Variants in RAD51B observed in about 807,000 individuals in gnomAD.
RAD51B encodes RAD51 paralog B.
In RAD51B, 38 loss-of-function variants were observed where a neutral mutation model predicts 42.2. The observed-to-expected ratio is 0.90, with a 90% CI of 0.70 to 1.18. The LOEUF (loss-of-function observed/expected upper bound fraction) is 1.18, where lower values mean the gene tolerates loss of function less well. RAD51B is among the 50% of genes most tolerant of loss of function. The probability of loss-of-function intolerance (pLI) is 0.00; values close to 1 mark genes in which losing one functional copy is unlikely to be tolerated. For missense variants in RAD51B, 373 were observed against 400.7 expected (o/e 0.93, Z 0.59); for synonymous variants, 154 against 145.2 (o/e 1.06, Z -0.43).
chr14:68,000,484 A>G (rs994351288), intron 7 of RAD51B, among the ~76,000 whole-genome samples: 1 of 152,318 alleles, frequency 6.6e-6, no homozygotes, highest in African/African-American at 2.4e-5. Context: ...TACTTTCTAC[A>G]TATCTTTTAC....
At chr14:68,405,715 T>C (rs1388450740) in intron 8 of RAD51B, among the ~76,000 whole-genome samples, 1 of 151,866 alleles carries the variant, frequency 6.6e-6, no homozygotes, top group Non-Finnish European at 1.5e-5. Context: ...CTATTCTTAT[T>C]GTTTTAGCGA....
At chr14:68,069,513 C>G (rs1234002990) in intron 7 of RAD51B, 4 of 152,134 alleles carry the variant, frequency 2.6e-5, no homozygotes, top group Non-Finnish European at 5.9e-5. Context: ...ATTTAGCCCC[C>G]ACTTATAAGT....
At chr14:68,584,373 A>G (rs1194916909) in intron 10 of RAD51B, among the ~76,000 whole-genome samples, 1 of 152,162 alleles carries the variant, frequency 6.6e-6, no homozygotes, top group African/African-American at 2.4e-5. Flanking sequence ...GACCTCTTAT[A>G]GCCAGGGTGT....
intron 5 of RAD51B, among the ~76,000 whole-genome samples, chr14:67,878,035 C>G (rs1595050097): frequency 6.6e-6 from 1 of 152,162 alleles, no homozygotes; most frequent in Non-Finnish European, 1.5e-5. Flanking sequence ...AGTTTTCCCC[C>G]ACTATTAGTT....
chr14:68,354,810 G>A lies in RAD51B; in HGVS notation c.854-56614G>A, dbSNP rs964885303. Reference sequence around the variant, plus strand: ...TTGGGAAGCCCTGGGCTAGCCTCTCGGCTTGCTCATGATTCAAGTAGCAAA... The same window carrying A: ...TTGGGAAGCCCTGGGCTAGCCTCTCAGCTTGCTCATGATTCAAGTAGCAAA... On this transcript the variant is annotated intron_variant, in intron 8 of 10. Transcript: ENST00000471583. Among the ~76,000 whole-genome samples the A allele has an allele frequency of 5.9e-5, 9 of 152,088 alleles. No homozygotes were observed. The South Asian group carries it at 1.7e-3, about 28-fold the overall frequency.
intron 7 of RAD51B, among the ~76,000 whole-genome samples, chr14:67,959,378 C>G (rs1237410196): frequency 1.3e-5 from 2 of 152,030 alleles, no homozygotes; most frequent in Non-Finnish European, 2.9e-5. Context: ...TCCTGAGTAG[C>G]TGGGACTACA....
Position 67,835,201 on chromosome 14 carries a change from A to C in RAD51B, c.315+5A>C. On this transcript the variant is annotated splice_donor_5th_base_variant and intron_variant, in intron 4 of 10. Transcript: ENST00000471583. ...GCTTGTGGATCCCTCACAGAGGTAA[A>C]GGAAAAATTTTTCGTACCTTCTTCC... 2 of 1,604,438 alleles carry C rather than the reference A, an allele frequency of 1.2e-6. No homozygotes were observed. Among genetic ancestry groups the C allele is most frequent in the Middle Eastern group, 1.7e-4 (1 of 6,050 alleles).
At chr14:68,458,439 A>G (rs1020339183) in intron 9 of RAD51B, among the ~76,000 whole-genome samples, 3 of 152,296 alleles carry the variant, frequency 2.0e-5, no homozygotes, top group African/African-American at 7.2e-5. Context: ...CTAAGTTAAC[A>G]TCCTACTGAT....
chr14:68,353,536 AC>A (rs2082833259), intron 8 of RAD51B, among the ~76,000 whole-genome samples: 1 of 152,174 alleles, frequency 6.6e-6, no homozygotes, highest in African/African-American at 2.4e-5. Flanking sequence ...TTTCTCAGTA[AC>A]CAGATCTACC....
intron 7 of RAD51B, among the ~76,000 whole-genome samples, chr14:68,155,488 G>A (rs376728949): frequency 2.4e-4 from 36 of 152,146 alleles, no homozygotes; most frequent in Admixed American, 6.5e-4. Context: ...CACCGCGCCC[G>A]GCCTATATTT....
At chr14:68,492,290 T>C (rs2140283017) in intron 10 of RAD51B, among the ~76,000 whole-genome samples, 1 of 152,340 alleles carries the variant, frequency 6.6e-6, no homozygotes, top group African/African-American at 2.4e-5. Flanking sequence ...TACAAGGTAA[T>C]AAATAATCAA....
At chr14:68,314,055 T>C (rs2082011288) in intron 8 of RAD51B, among the ~76,000 whole-genome samples, 1 of 152,172 alleles carries the variant, frequency 6.6e-6, no homozygotes, top group African/African-American at 2.4e-5. Flanking sequence ...CTATGTGCAT[T>C]ACCCACTTTT....
intron 7 of RAD51B, among the ~76,000 whole-genome samples, chr14:67,893,467 GACACAC>G (rs756541648): frequency 0.052 from 5,834 of 111,230 alleles, 271 homozygotes; most frequent in African/African-American, 0.063. Context: ...CACAGACACA[GACACAC>G]ACACACACAC....
At chr14:68,225,050 ATGTT>A (rs2080008603) in intron 7 of RAD51B, among the ~76,000 whole-genome samples, 1 of 152,052 alleles carries the variant, frequency 6.6e-6, no homozygotes, top group African/African-American at 2.4e-5. Context: ...AAGAGAAAGA[ATGTT>A]TGTTAAGAAA....
Position 67,898,261 on chromosome 14 carries a change from A to G in RAD51B, c.756+11057A>G, listed in dbSNP as rs539515017. ...TTAGCCTTAAATAAAAAAGAAGGAA[A>G]TACTACTATCTGTGACAACATGGAT... On this transcript the variant is annotated intron_variant, in intron 7 of 10. Transcript: ENST00000471583. 2.0e-5 allele frequency among the ~76,000 whole-genome samples: 3 copies of G among 152,328 alleles called. 1 individual carries two copies. The South Asian group carries it at 6.2e-4, about 32-fold the overall frequency.
intron 7 of RAD51B, among the ~76,000 whole-genome samples, chr14:68,105,521 C>A (rs955212138): frequency 2.0e-5 from 3 of 151,698 alleles, no homozygotes; most frequent in African/African-American, 7.3e-5. Flanking sequence ...GAGAATTTTG[C>A]ATTATTTTAT....
chr14:68,623,474 T>C (rs2140117032), intron 10 of RAD51B, among the ~76,000 whole-genome samples: 1 of 152,370 alleles, frequency 6.6e-6, no homozygotes, highest in South Asian at 2.1e-4. Flanking sequence ...GGCTGTTCAC[T>C]GCAAAAGGCC....
At chr14:67,820,202 C>T (rs1340795868) in intron 1 of RAD51B, among the ~76,000 whole-genome samples, 5 of 152,198 alleles carry the variant, frequency 3.3e-5, no homozygotes, top group African/African-American at 9.7e-5. Context: ...GACTCTCCCA[C>T]TTCAGGTGGT....
chr14:67,927,680 A>G (rs2044567058), intron 7 of RAD51B, among the ~76,000 whole-genome samples: 1 of 149,410 alleles, frequency 6.7e-6, no homozygotes, highest in Admixed American at 6.7e-5. Flanking sequence ...ATTCTTTTTT[A>G]TGGCTGAATA....
Sources: allele counts gnomAD v4.1 joint callset (sites outside exome capture counted in the v4.1 genomes callset), GRCh38; gene constraint gnomAD v4.1.1; transcripts MANE v1.5; gene names NCBI Gene and HGNC (gene_info 2026-07-23, HGNC 2026-07-21).